NHSL1: variants seen among roughly 807,000 people sequenced by gnomAD.
The protein encoded by NHSL1 is NHS-like protein 1.
A neutral mutation model predicts 95.0 loss-of-function variants in NHSL1; 48 were observed. That is an observed-to-expected ratio of 0.51 (90% CI 0.40 to 0.64). The LOEUF is 0.64. Ranked by LOEUF, NHSL1 falls within the 30% of genes least tolerant of loss-of-function variation. NHSL1 has a pLI of 0.00. For synonymous variants in NHSL1, 783 were observed against 833.9 expected, an observed-to-expected ratio of 0.94 and a Z score of 1.05; for missense variants, 1,971 against 2,077.7, an observed-to-expected ratio of 0.95 and a Z score of 1.00.
chr6:138,545,574 C>A (rs1400725353), intron 1 of NHSL1: 3 of 1,230,028 alleles, frequency 2.4e-6, no homozygotes, highest in South Asian at 2.5e-5. Context: ...AAATGACAAT[C>A]TTCCCCAAGT....
At chr6:138,608,130 T>A (rs1583446564) in intron 1 of NHSL1, among the ~76,000 whole-genome samples, 3 of 152,208 alleles carry the variant, frequency 2.0e-5, no homozygotes, top group East Asian at 3.8e-4. Context: ...AAACACTTTC[T>A]CAAAGGACAT....
intron 1 of NHSL1, among the ~76,000 whole-genome samples, chr6:138,623,676 C>A (rs1784697301): frequency 6.6e-6 from 1 of 152,140 alleles, no homozygotes; most frequent in Admixed American, 6.5e-5. Flanking sequence ...CAGTCTCTCT[C>A]TTTGTTTTAC....
At chr6:138,673,860 A>G (rs1454435144) in intron 1 of NHSL1, among the ~76,000 whole-genome samples, 1 of 152,232 alleles carries the variant, frequency 6.6e-6, no homozygotes, top group Non-Finnish European at 1.5e-5. Flanking sequence ...GGTTCTATAA[A>G]CATTCAGATC....
intron 1 of NHSL1, among the ~76,000 whole-genome samples, chr6:138,676,679 G>A (rs532215217): frequency 1.3e-5 from 2 of 152,114 alleles, no homozygotes; most frequent in African/African-American, 2.4e-5. Flanking sequence ...TTTTGAGACT[G>A]AGTCTAGCTC....
chr6:138,679,770 A>C (rs746504606), intron 1 of NHSL1, among the ~76,000 whole-genome samples: 5 of 152,196 alleles, frequency 3.3e-5, no homozygotes, highest in Non-Finnish European at 5.9e-5. Flanking sequence ...TTTTTAAAAC[A>C]GCCTCTAGAT....
chr6:138,490,391 G>A (rs552844471), intron 2 of NHSL1, among the ~76,000 whole-genome samples: 4 of 152,160 alleles, frequency 2.6e-5, no homozygotes, highest in Non-Finnish European at 4.4e-5. Context: ...GGGTATCTGC[G>A]ATATCTCAGG....
chr6:138,657,845 A>G (rs946247149), intron 1 of NHSL1, among the ~76,000 whole-genome samples: 11 of 149,748 alleles, frequency 7.3e-5, no homozygotes, highest in Non-Finnish European at 1.5e-4. Context: ...AAGAAAGAAA[A>G]AAAGAGTCTA....
intron 3 of NHSL1, among the ~76,000 whole-genome samples, chr6:138,468,322 A>G (rs1778522485): frequency 6.6e-6 from 1 of 152,202 alleles, no homozygotes; most frequent in Non-Finnish European, 1.5e-5. Flanking sequence ...AGTATTCAGT[A>G]TAATAACATG....
intron 1 of NHSL1, among the ~76,000 whole-genome samples, chr6:138,676,644 CTT>C (rs1195865971): frequency 1.3e-5 from 2 of 152,098 alleles, no homozygotes; most frequent in Non-Finnish European, 2.9e-5. Flanking sequence ...AATGCCTCCA[CTT>C]TTTGTTTGTT....
chr6:138,583,901 G>A (rs1314724583), intron 1 of NHSL1, among the ~76,000 whole-genome samples: 2 of 152,096 alleles, frequency 1.3e-5, no homozygotes, highest in Non-Finnish European at 2.9e-5. Context: ...GAGTAGGAGA[G>A]CAGCCTGGAC....
chr6:138,490,571 T>A (rs1270305760), intron 2 of NHSL1, among the ~76,000 whole-genome samples: 1 of 152,120 alleles, frequency 6.6e-6, no homozygotes, highest in Non-Finnish European at 1.5e-5. Context: ...CTGCTGTCGG[T>A]AACTGTAGAG....
intron 1 of NHSL1, among the ~76,000 whole-genome samples, chr6:138,610,543 A>AAT (rs1283710762): frequency 4.5e-5 from 5 of 111,512 alleles, no homozygotes; most frequent in Admixed American, 1.6e-4. Context: ...GTATAATAAT[A>AAT]AAAAAATATA....
At chr6:138,527,453 G>A (rs1781954193) in intron 1 of NHSL1, among the ~76,000 whole-genome samples, 1 of 151,998 alleles carries the variant, frequency 6.6e-6, no homozygotes, top group African/African-American at 2.4e-5. Flanking sequence ...GGCTTATGAG[G>A]CTTGCAGCAC....
At chr6:138,506,275 G>C (rs1427047596) in intron 1 of NHSL1, among the ~76,000 whole-genome samples, 3 of 152,110 alleles carry the variant, frequency 2.0e-5, no homozygotes, top group Non-Finnish European at 2.9e-5. Flanking sequence ...TATGTTTCCT[G>C]TTTTTATTAA....
chr6:138,449,687 A>C (rs1777107014), intron 3 of NHSL1, among the ~76,000 whole-genome samples: 1 of 152,142 alleles, frequency 6.6e-6, no homozygotes, highest in Non-Finnish European at 1.5e-5. Context: ...AAAAAAAAAA[A>C]AAATTTGTGG....
chr6:138,520,280 CTTTTTT>C (rs397888767), intron 1 of NHSL1, among the ~76,000 whole-genome samples: 16 of 80,940 alleles, frequency 2.0e-4, no homozygotes, highest in African/African-American at 6.5e-4. Flanking sequence ...TAGTTTAATT[CTTTTTT>C]TTTTTTTTTT....
chr6:138,537,551 C>T (rs777997644), intron 1 of NHSL1, among the ~76,000 whole-genome samples: 6 of 151,748 alleles, frequency 4.0e-5, no homozygotes, highest in Non-Finnish European at 8.8e-5. Context: ...TAAATAACAT[C>T]ACTATATATT....
At chr6:138,686,227 T>G (rs1785582990) in intron 1 of NHSL1, among the ~76,000 whole-genome samples, 1 of 152,104 alleles carries the variant, frequency 6.6e-6, no homozygotes, top group African/African-American at 2.4e-5. Flanking sequence ...CCACAATATA[T>G]AAACATCATG....
At chr6:138,437,383 T>TATATAA (rs1776221780) in intron 5 of NHSL1, among the ~76,000 whole-genome samples, 1 of 82,938 alleles carries the variant, frequency 1.2e-5, no homozygotes, top group Non-Finnish European at 2.2e-5. Flanking sequence ...CACATATATA[T>TATATAA]ATACACATAT....
Sources: allele counts gnomAD v4.1 joint callset (sites outside exome capture counted in the v4.1 genomes callset), GRCh38; gene constraint gnomAD v4.1.1; transcripts MANE v1.5; gene names NCBI Gene and HGNC (gene_info 2026-07-23, HGNC 2026-07-21).